CTNNA3: variants seen among roughly 807,000 people sequenced by gnomAD.
The protein encoded by CTNNA3 is catenin alpha-3.
In CTNNA3, 76 loss-of-function variants were observed where a neutral mutation model predicts 95.7. The ratio of observed to expected loss-of-function variants is 0.79; its 90% CI spans 0.66 to 0.96. CTNNA3 has a LOEUF of 0.96. Ranked by LOEUF, CTNNA3 falls within the 40% of genes least tolerant of loss-of-function variation. CTNNA3 has a pLI of 0.00. For missense variants in CTNNA3, 1,191 were observed against 1,089.8 expected (o/e 1.09, Z -1.31); for synonymous variants, 431 against 374.4 (o/e 1.15, Z -1.74).
chr10:66,316,370 A>C (rs575898517), intron 12 of CTNNA3, among the ~76,000 whole-genome samples: 3 of 152,188 alleles, frequency 2.0e-5, no homozygotes, highest in Admixed American at 2.0e-4. Flanking sequence ...AATTTGTGGG[A>C]TTATTGTCTA....
chr10:66,739,915 T>C (rs1182348793), intron 9 of CTNNA3, among the ~76,000 whole-genome samples: 1 of 152,180 alleles, frequency 6.6e-6, no homozygotes, highest in Non-Finnish European at 1.5e-5. Context: ...AAAATTCTAA[T>C]TTCTGGCTGT....
intron 5 of CTNNA3, among the ~76,000 whole-genome samples, chr10:67,251,899 C>A (rs1052040733): frequency 6.6e-6 from 1 of 152,056 alleles, no homozygotes. Context: ...TCACTAGTGG[C>A]CTCAGATGTT....
At position 65,938,954 on chromosome 10, in the gene CTNNA3, A is replaced by G. The variant is rs535459285; in HGVS notation, c.2401-18337T>C. Among the ~76,000 whole-genome samples, 39 of 151,710 alleles carry G rather than the reference A, an allele frequency of 2.6e-4. No homozygotes were observed. In the East Asian group the frequency reaches 3.1e-3, roughly 12 times the overall value. On this transcript the variant is annotated intron_variant, in intron 17 of 17. Coordinates refer to ENST00000433211, the MANE Select transcript of CTNNA3 (RefSeq NM_013266.4). Reference sequence around the variant, plus strand: ...GTCTCGCTCTGTCGCCCAGGCTGGAATGCAGTGGCGCGATCTCGGCTCACT... The same window carrying G: ...GTCTCGCTCTGTCGCCCAGGCTGGAGTGCAGTGGCGCGATCTCGGCTCACT...
At chr10:66,679,427 G>T (rs1426509323) in intron 9 of CTNNA3, among the ~76,000 whole-genome samples, 1 of 152,176 alleles carries the variant, frequency 6.6e-6, no homozygotes, top group Non-Finnish European at 1.5e-5. Context: ...TAAATTCAAG[G>T]TGTCTGCAGA....
At chr10:67,122,349 A>G (rs1193067453) in intron 7 of CTNNA3, among the ~76,000 whole-genome samples, 3 of 152,104 alleles carry the variant, frequency 2.0e-5, no homozygotes, top group African/African-American at 7.2e-5. Flanking sequence ...AAAGTCTTCA[A>G]TAGAATAAAA....
At chr10:66,951,780 G>T (rs887472672) in intron 7 of CTNNA3, among the ~76,000 whole-genome samples, 1 of 152,106 alleles carries the variant, frequency 6.6e-6, no homozygotes, top group Non-Finnish European at 1.5e-5. Context: ...ATACTACACT[G>T]GGAAGGGATC....
At chr10:66,583,297 T>C (rs1843252305) in intron 10 of CTNNA3, among the ~76,000 whole-genome samples, 1 of 48,872 alleles carries the variant, frequency 2.0e-5, no homozygotes, top group Admixed American at 1.6e-4. Flanking sequence ...AGTGTTTTGG[T>C]TTTTGTTGTT....
intron 5 of CTNNA3, among the ~76,000 whole-genome samples, chr10:67,509,537 C>T (rs534767147): frequency 1.3e-5 from 2 of 152,172 alleles, no homozygotes; most frequent in East Asian, 3.9e-4. Context: ...TTTTTTATGG[C>T]TGTATAGTAT....
chr10:66,606,980 C>A (rs573254007), intron 10 of CTNNA3, among the ~76,000 whole-genome samples: 1 of 151,842 alleles, frequency 6.6e-6, no homozygotes, highest in Admixed American at 6.6e-5. Context: ...GAAAGATCAA[C>A]GAATCCAGGA....
chr10:66,480,847 C>T (rs1219466187), intron 11 of CTNNA3, among the ~76,000 whole-genome samples: 2 of 152,168 alleles, frequency 1.3e-5, no homozygotes, highest in African/African-American at 4.8e-5. Flanking sequence ...TCGTGATCCA[C>T]TCACCTTAGC....
intron 17 of CTNNA3, among the ~76,000 whole-genome samples, chr10:65,945,413 T>A (rs2077501358): frequency 6.6e-6 from 1 of 152,174 alleles, no homozygotes; most frequent in Non-Finnish European, 1.5e-5. Context: ...GATTGATACT[T>A]CACGAATTAT....
At chr10:66,360,674 C>CCTTCCTTCCTTTTCTTTCTTT (rs2092654377) in intron 12 of CTNNA3, among the ~76,000 whole-genome samples, 3 of 75,834 alleles carry the variant, frequency 4.0e-5, no homozygotes, top group African/African-American at 1.2e-4. Flanking sequence ...TTCCTTCCTT[C>CCTTCCTTCCTTTTCTTTCTTT]CTTCCTTCCT....
intron 10 of CTNNA3, among the ~76,000 whole-genome samples, chr10:66,590,210 C>A (rs892721577): frequency 1.3e-5 from 2 of 151,874 alleles, no homozygotes; most frequent in Admixed American, 6.6e-5. Flanking sequence ...ACATCTAGTC[C>A]AAATCTACCC....
chr10:67,401,013 A>C (rs1284577190), intron 5 of CTNNA3, among the ~76,000 whole-genome samples: 1 of 152,210 alleles, frequency 6.6e-6, no homozygotes, highest in Non-Finnish European at 1.5e-5. Flanking sequence ...CATATAGGCT[A>C]TTCCTAGGCA....
intron 13 of CTNNA3, among the ~76,000 whole-genome samples, chr10:66,275,779 C>G (rs1463160445): frequency 1.3e-5 from 2 of 151,808 alleles, no homozygotes; most frequent in Non-Finnish European, 2.9e-5. Flanking sequence ...GCCAGAAGCT[C>G]AGCCTGGAAG....
chr10:66,980,468 A>G (rs150050765), intron 7 of CTNNA3, among the ~76,000 whole-genome samples: 1 of 150,760 alleles, frequency 6.6e-6, no homozygotes, highest in East Asian at 1.9e-4. Context: ...CCAAGCAAAA[A>G]TCAGAATTGA....
chr10:66,110,360 TA>T (rs35402161), intron 13 of CTNNA3, among the ~76,000 whole-genome samples: 10,631 of 104,824 alleles, frequency 0.1, 825 homozygotes, highest in African/African-American at 0.26. Flanking sequence ...AGACTCTGTC[TA>T]AAAAAAAAAA....
intron 11 of CTNNA3, among the ~76,000 whole-genome samples, chr10:66,480,084 T>C (rs547367734): frequency 1.3e-5 from 2 of 152,220 alleles, no homozygotes; most frequent in Admixed American, 6.5e-5. Context: ...TGAAGCTGAT[T>C]TAGAAAACAA....
intron 3 of CTNNA3, among the ~76,000 whole-genome samples, chr10:67,579,361 T>C (rs1842296141): frequency 6.6e-6 from 1 of 152,070 alleles, no homozygotes; most frequent in Non-Finnish European, 1.5e-5. Flanking sequence ...GCTTCATCCA[T>C]GTCCCTACAA....
Sources: gnomAD v4.1 joint callset for allele counts (sites outside exome capture counted in the v4.1 genomes callset) on GRCh38, gnomAD v4.1.1 for gene constraint, MANE v1.5 for transcripts, NCBI Gene and HGNC (gene_info 2026-07-23, HGNC 2026-07-21) for gene names.